The following CLEC17A variants were observed in gnomAD, a reference collection of about 807,000 sequenced individuals.
The protein encoded by CLEC17A is C-type lectin domain containing 17A.
A neutral mutation model predicts 61.3 loss-of-function variants in CLEC17A; 37 were observed. That is an observed-to-expected ratio of 0.60 (90% CI 0.46 to 0.79). The LOEUF (loss-of-function observed/expected upper bound fraction) is 0.79, where lower values mean the gene tolerates loss of function less well. Among genes scored for constraint, CLEC17A ranks in the 30% least tolerant of loss-of-function variants. The pLI, the probability that CLEC17A is intolerant of heterozygous loss-of-function variation, is 0.00. For synonymous variants in CLEC17A, 168 were observed against 164.9 expected (o/e 1.02, Z -0.14); for missense variants, 418 against 464.7 (o/e 0.90, Z 0.92).
chr19:14,596,739 C>G (rs1292836779), intron 8 of CLEC17A, 137 bp from the exon 9 acceptor site: 13 of 1,022,658 alleles, frequency 1.3e-5, no homozygotes, highest in Admixed American at 5.6e-5. Context: ...CCCTAACCCT[C>G]TCTTGCTGAC....
rs902879440 is a variant in CLEC17A at position 14,608,480 on chromosome 19, A to AT, written c.1004+1384dup. Reference sequence around the variant, plus strand: ...GCCAGACAGGGACAGCACCAGGGTGATTTTTTGGTGACAGGCTGTCTGGAC... The same window carrying AT: ...GCCAGACAGGGACAGCACCAGGGTGATTTTTTTGGTGACAGGCTGTCTGGAC... On this transcript the variant is annotated intron_variant, in intron 13 of 13. Coordinates refer to ENST00000417570, the MANE Select transcript of CLEC17A (RefSeq NM_001204118.2). Among the ~76,000 whole-genome samples the AT allele has an allele frequency of 7.4e-4, 113 of 152,114 alleles. 2 individuals carry two copies. The Middle Eastern group carries it at 0.024, about 32-fold the overall frequency.
At chr19:14,594,864 C>T (rs1209830049) in intron 7 of CLEC17A, 64 bp downstream of exon 7, 2 of 1,438,536 alleles carry the variant, frequency 1.4e-6, no homozygotes, top group South Asian at 1.2e-5. Context: ...CCTTTCAATC[C>T]CCCAATTTTT....
chr19:14,595,831 TGGTGATGGTGGTGGTGGTGATGATGAA>T, intron 8 of CLEC17A, among the ~76,000 whole-genome samples: 1 of 151,004 alleles, frequency 6.6e-6, no homozygotes, highest in Non-Finnish European at 1.5e-5. Context: ...ATGGTATTGT[TGGTGATGGTGGTGGTGGTGATGATGAA>T]GGTAGTGATG....
chr19:14,590,386 C>CTT (rs562645944), intron 3 of CLEC17A, among the ~76,000 whole-genome samples: 16 of 142,924 alleles, frequency 1.1e-4, no homozygotes, highest in African/African-American at 2.3e-4. Context: ...AATTTCTTTA[C>CTT]TTTTTTTTTT....
At position 14,611,778 on chromosome 19, in the gene CLEC17A, G is replaced by A. The variant is rs1188214741; in HGVS notation, c.*1582G>A. Among the ~76,000 whole-genome samples the A allele has an allele frequency of 1.3e-5, 2 of 152,114 alleles. No homozygotes were observed. Among genetic ancestry groups the A allele is most frequent in the Non-Finnish European group, 2.9e-5 (2 of 68,034 alleles). ...GCACTCTGGGAGACTGAGGTGGGCT[G>A]ATCACCTGGGGTCAGGATTTCGAGA... On this transcript the variant is annotated 3_prime_UTR_variant, in exon 14 of 14. Transcript: ENST00000417570.
At chr19:14,591,445 C>T (rs1294607423) in intron 3 of CLEC17A, among the ~76,000 whole-genome samples, 2 of 147,862 alleles carry the variant, frequency 1.4e-5, no homozygotes, top group Admixed American at 1.4e-4. Context: ...TGAGCCACCG[C>T]GCCTGGCCCT....
intron 4 of CLEC17A, among the ~76,000 whole-genome samples, chr19:14,593,804 T>C (rs2146693361): frequency 6.6e-6 from 1 of 151,026 alleles, no homozygotes; most frequent in African/African-American, 2.4e-5. Flanking sequence ...ATTAAAAAAA[T>C]ACAAAAAATT....
chr19:14,593,439 GAA>G (rs891249793), intron 4 of CLEC17A, among the ~76,000 whole-genome samples: 1 of 151,482 alleles, frequency 6.6e-6, no homozygotes, highest in African/African-American at 2.4e-5. Context: ...TGGAGCCCCA[GAA>G]AAGAGACCAT....
intron 12 of CLEC17A, among the ~76,000 whole-genome samples, chr19:14,600,686 A>G (rs2074683755): frequency 1.3e-5 from 2 of 149,964 alleles, no homozygotes; most frequent in Non-Finnish European, 3.0e-5. Flanking sequence ...GGTTCACGCC[A>G]TTCTCCTGCC....
intron 2 of CLEC17A, among the ~76,000 whole-genome samples, chr19:14,586,533 C>A (rs1187398120): frequency 2.0e-5 from 3 of 152,118 alleles, no homozygotes; most frequent in Admixed American, 2.0e-4. Context: ...AGCAATCCTC[C>A]CACCTCAGCC....
chr19:14,596,142 G>A (rs983526309), intron 8 of CLEC17A, among the ~76,000 whole-genome samples: 13 of 151,762 alleles, frequency 8.6e-5, no homozygotes, highest in Non-Finnish European at 1.3e-4. Flanking sequence ...TCTAGAAGCC[G>A]GGGTCCACAA....
chr19:14,610,909 G>A lies in CLEC17A; in HGVS notation c.*713G>A, dbSNP rs570022719. 6.6e-6 allele frequency: 1 copy of A among 152,030 alleles called. No individual in the cohort carries two copies. Among genetic ancestry groups the A allele is most frequent in the African/African-American group, 2.4e-5 (1 of 41,440 alleles). 9.4% of individuals were successfully genotyped at this position (152,030 alleles called of 1,614,324 possible). ...ACTCCTGGGGTCAAGCAATCCTTCC[G>A]TGATGGCCTCCCAAAGTGCTGGGAT... On this transcript the variant is annotated 3_prime_UTR_variant, in exon 14 of 14. Coordinates refer to ENST00000417570, the MANE Select transcript of CLEC17A (RefSeq NM_001204118.2).
intron 13 of CLEC17A, among the ~76,000 whole-genome samples, chr19:14,609,177 A>G (rs548100522): frequency 6.6e-6 from 1 of 152,260 alleles, no homozygotes; most frequent in East Asian, 1.9e-4. Flanking sequence ...CTGCTCACCT[A>G]AGACACTACC....
chr19:14,599,919 C>T, intron 11 of CLEC17A, 107 bp downstream of exon 11: 2 of 1,500,308 alleles, frequency 1.3e-6, no homozygotes, highest in Non-Finnish European at 9.1e-7. Context: ...GAATGGTGCC[C>T]CTCCCCCTCA....
At chr19:14,598,991 C>G (rs974094999) in intron 10 of CLEC17A, among the ~76,000 whole-genome samples, 1 of 150,022 alleles carries the variant, frequency 6.7e-6, no homozygotes, top group Non-Finnish European at 1.5e-5. Context: ...TGAGCTCATT[C>G]TGCTTTGATC....
rs1041013759 is a variant in CLEC17A at position 14,599,937 on chromosome 19, T to C, written c.743-94T>C. 36 of 1,546,000 alleles carry C rather than the reference T, an allele frequency of 2.3e-5. No homozygotes were observed. In the East Asian group the frequency reaches 7.5e-4, roughly 32 times the overall value. On this transcript the variant is annotated intron_variant, in intron 11 of 13. Transcript: ENST00000417570. Reference sequence around the variant, plus strand: ...TGGTGCCCCTCCCCCTCACCGGAGTTGAGCAGTGTACAGCCTGCACAACTG... The same window carrying C: ...TGGTGCCCCTCCCCCTCACCGGAGTCGAGCAGTGTACAGCCTGCACAACTG...
intron 3 of CLEC17A, among the ~76,000 whole-genome samples, chr19:14,591,856 C>T (rs558303534): frequency 6.6e-6 from 1 of 151,668 alleles, no homozygotes; most frequent in African/African-American, 2.4e-5. Context: ...CCACTCCCGG[C>T]CCATTGTTTC....
chr19:14,581,855 T>C (rs1433670722), upstream of CLEC17A, among the ~76,000 whole-genome samples: 1 of 152,068 alleles, frequency 6.6e-6, no homozygotes, highest in Non-Finnish European at 1.5e-5. Context: ...TTTCACCATG[T>C]TGGCCAAGCT....
rs1478010421 is a variant in CLEC17A, at chr19:14,603,670, T to A, written c.895-3323T>A. Among the ~76,000 whole-genome samples the A allele has an allele frequency of 9.2e-5, 14 of 152,160 alleles. No individual in the cohort carries two copies. The South Asian group carries it at 2.5e-3, about 27-fold the overall frequency. On this transcript the variant is annotated intron_variant, in intron 12 of 13. Coordinates refer to ENST00000417570, the MANE Select transcript of CLEC17A (RefSeq NM_001204118.2). Reference sequence around the variant, plus strand: ...TAGTAGAGTTAGGGTATCATCATGTTGGCCAGGCTGCTCTCTAGCTAATGA... The same window carrying A: ...TAGTAGAGTTAGGGTATCATCATGTAGGCCAGGCTGCTCTCTAGCTAATGA...
Sources: gnomAD v4.1 joint callset for allele counts (sites outside exome capture counted in the v4.1 genomes callset) on GRCh38, gnomAD v4.1.1 for gene constraint, MANE v1.5 for transcripts, NCBI Gene and HGNC (gene_info 2026-07-23, HGNC 2026-07-21) for gene names.